ERICH1: variants seen among roughly 807,000 people sequenced by gnomAD.
ERICH1 encodes the protein glutamate rich 1, also known as glutamate-rich protein 1.
Under a neutral mutation model 39.6 loss-of-function variants are expected in ERICH1, and 56 were observed. The observed-to-expected ratio is 1.41, with a 90% confidence interval of 1.14 to 1.77. The LOEUF is 1.77. Ranked by LOEUF, ERICH1 falls within the 40% of genes most tolerant of loss-of-function variation. ERICH1 has a pLI of 0.00. For synonymous variants in ERICH1, 313 were observed against 223.6 expected (o/e 1.40, Z -3.57); for missense variants, 826 against 575.4 (o/e 1.44, Z -4.45).
At chr8:716,320 G>T (rs781623976) in intron 1 of ERICH1, among the ~76,000 whole-genome samples, 1 of 152,206 alleles carries the variant, frequency 6.6e-6, no homozygotes, top group Non-Finnish European at 1.5e-5. Flanking sequence ...CAGGTCCCTC[G>T]GTTCCTCCCT....
downstream of ERICH1, among the ~76,000 whole-genome samples, chr8:661,835 G>A (rs891299337): frequency 2.6e-5 from 4 of 152,354 alleles, no homozygotes; most frequent in East Asian, 1.9e-4. Context: ...AGAAGGTTTC[G>A]CAAAGTAAAG....
In ERICH1 at chr8:715,620, A is replaced by G. The variant is rs1293550397; in HGVS notation, c.169+241T>C. Among the ~76,000 whole-genome samples, 3 of 152,226 alleles carry G rather than the reference A, an allele frequency of 2.0e-5. No homozygotes were observed. In the South Asian group the frequency reaches 6.2e-4, roughly 32 times the overall value. ...GTTTCAGTCCAATCGCCATCTTCAGAGCACACAAGTAAATGACCCCAAAAA... is the reference window on the plus strand; with the variant it reads ...GTTTCAGTCCAATCGCCATCTTCAGGGCACACAAGTAAATGACCCCAAAAA... On this transcript the variant is annotated intron_variant, in intron 2 of 5. Transcript: ENST00000262109.
In ERICH1 at chr8:716,148, G is replaced by A. The variant is rs1039698466; in HGVS notation, c.23-141C>T. 27 of 1,016,464 alleles carry A rather than the reference G, an allele frequency of 2.7e-5. No individual in the cohort carries two copies. The Admixed American group carries it at 2.7e-4, about 10-fold the overall frequency. The allele number at this position is 1,016,464 out of a possible 1,614,324, so 63.0% of individuals were successfully genotyped here. On this transcript the variant is annotated intron_variant, in intron 1 of 5. Coordinates refer to ENST00000262109, the MANE Select transcript of ERICH1 (RefSeq NM_207332.3). The stretch of plus-strand genomic sequence containing the variant: ...AGACCCAAGTCCCTGGTCCTCCCAC[G>A]CTGGGCACTGCACACCAGGATCCCC...
At chr8:679,252 C>T (rs993705405) in intron 3 of ERICH1, among the ~76,000 whole-genome samples, 23 of 149,316 alleles carry the variant, frequency 1.5e-4, no homozygotes, top group Non-Finnish European at 2.8e-4. Context: ...CAGCTCCGAC[C>T]CCTCACAGCT....
chr8:630,712 C>G (rs1298691630), intron 3 of ERICH1, among the ~76,000 whole-genome samples: 1 of 141,170 alleles, frequency 7.1e-6, no homozygotes, highest in Non-Finnish European at 1.5e-5. Flanking sequence ...AGAGCTGACA[C>G]ACACCCTCCT....
intron 1 of ERICH1, among the ~76,000 whole-genome samples, chr8:717,209 C>T (rs1027069602): frequency 2.6e-5 from 4 of 152,138 alleles, no homozygotes; most frequent in Admixed American, 6.5e-5. Flanking sequence ...TGAACTGAAA[C>T]GATGTGATCC....
chr8:677,795 G>A (rs998261124), intron 3 of ERICH1, among the ~76,000 whole-genome samples: 1 of 152,156 alleles, frequency 6.6e-6, no homozygotes, highest in Non-Finnish European at 1.5e-5. Context: ...CCCACAGGAA[G>A]CCCCTCTAGG....
At chr8:701,686 T>C (rs574689523) in intron 2 of ERICH1, among the ~76,000 whole-genome samples, 94 of 152,346 alleles carry the variant, frequency 6.2e-4, no homozygotes, top group South Asian at 1.2e-3. Context: ...ATCTTTGTTA[T>C]TGAGGTAGAT....
chr8:618,774 C>T (rs1371255734), intron 3 of ERICH1, among the ~76,000 whole-genome samples: 1 of 152,116 alleles, frequency 6.6e-6, no homozygotes, highest in Non-Finnish European at 1.5e-5. Flanking sequence ...TATGTGTAAT[C>T]TTAATGCAAG....
chr8:619,971 A>C (rs911375556), intron 3 of ERICH1, among the ~76,000 whole-genome samples: 1 of 152,250 alleles, frequency 6.6e-6, no homozygotes, highest in Non-Finnish European at 1.5e-5. Context: ...TAGCCACTTA[A>C]TATGAAAAAG....
At chr8:620,449 A>G (rs544991127) in intron 3 of ERICH1, among the ~76,000 whole-genome samples, 5 of 152,368 alleles carry the variant, frequency 3.3e-5, no homozygotes, top group African/African-American at 1.2e-4. Flanking sequence ...GACTGAATAA[A>G]GGGAAACCAG....
intron 3 of ERICH1, among the ~76,000 whole-genome samples, chr8:684,645 C>G (rs982545173): frequency 6.6e-6 from 1 of 152,104 alleles, no homozygotes; most frequent in Non-Finnish European, 1.5e-5. Flanking sequence ...ATCGGGGGAA[C>G]CAGCCCCCAA....
intron 1 of ERICH1, among the ~76,000 whole-genome samples, chr8:717,932 T>A (rs1484726688): frequency 1.3e-5 from 2 of 152,206 alleles, no homozygotes; most frequent in Non-Finnish European, 2.9e-5. Context: ...CAGGAGACGC[T>A]GGGCCCAAGC....
chr8:714,794 G>T (rs1162410552), intron 2 of ERICH1, among the ~76,000 whole-genome samples: 1 of 150,370 alleles, frequency 6.7e-6, no homozygotes, highest in Admixed American at 6.6e-5. Context: ...GGCATCTCTC[G>T]GTGGGATGTG....
At chr8:657,357 G>A (rs1259544948) in intron 3 of ERICH1, among the ~76,000 whole-genome samples, 2 of 151,974 alleles carry the variant, frequency 1.3e-5, no homozygotes, top group Non-Finnish European at 2.9e-5. Flanking sequence ...TCTTATTGCA[G>A]GACTGGAGTG....
At chr8:615,923 T>A (rs1170078183) in intron 3 of ERICH1, 1 of 152,602 alleles carries the variant, frequency 6.6e-6, no homozygotes, top group African/African-American at 2.4e-5. Context: ...ACAGAGAACC[T>A]AGGGAAATTA....
At chr8:676,457 A>G (rs1293057245) in intron 3 of ERICH1, among the ~76,000 whole-genome samples, 2 of 62,518 alleles carry the variant, frequency 3.2e-5, no homozygotes, top group African/African-American at 1.5e-4. Flanking sequence ...GCGAGGACAG[A>G]GACGCGGCGG....
chr8:705,765 A>C (rs1478821580), intron 2 of ERICH1, among the ~76,000 whole-genome samples: 2 of 152,232 alleles, frequency 1.3e-5, no homozygotes, highest in African/African-American at 2.4e-5. Context: ...TCACAAAGGA[A>C]AAAGTAAAAC....
intron 3 of ERICH1, among the ~76,000 whole-genome samples, chr8:685,244 C>T (rs1331374847): frequency 3.9e-5 from 6 of 152,184 alleles, no homozygotes; most frequent in Non-Finnish European, 8.8e-5. Context: ...AGCGATATTT[C>T]TCTTACCCGT....
Sources: allele counts gnomAD v4.1 joint callset (sites outside exome capture counted in the v4.1 genomes callset), GRCh38; gene constraint gnomAD v4.1.1; transcripts MANE v1.5; gene names NCBI Gene and HGNC (gene_info 2026-07-23, HGNC 2026-07-21).